The following CACNB2 variants were observed in gnomAD, a reference collection of about 807,000 sequenced individuals.
The protein encoded by CACNB2 is calcium voltage-gated channel auxiliary subunit beta 2.
Under a neutral mutation model 73.3 loss-of-function variants are expected in CACNB2, and 42 were observed. The observed-to-expected ratio is 0.57, with a 90% confidence interval of 0.45 to 0.74. The LOEUF is 0.74. Ranked by LOEUF, CACNB2 falls within the 30% of genes least tolerant of loss-of-function variation. The pLI is 0.00. For synonymous variants in CACNB2, 348 were observed against 310.3 expected (o/e 1.12, Z -1.28); for missense variants, 940 against 853.0 (o/e 1.10, Z -1.27).
chr10:18,469,841 T>C (rs1020538861), intron 3 of CACNB2, among the ~76,000 whole-genome samples: 3 of 152,202 alleles, frequency 2.0e-5, no homozygotes, highest in African/African-American at 7.2e-5. Context: ...CTCTAAATCC[T>C]CCCTACTCTT....
chr10:18,302,665 G>A lies in CACNB2; in HGVS notation c.214-99259G>A, dbSNP rs558986615. ...GCAGCTAAGCTATGAGGATGCAAAG[G>A]CATAAGAATGGCATAATGGACTTTG... On this transcript the variant is annotated intron_variant, in intron 2 of 13. Transcript: ENST00000324631. 2.0e-5 allele frequency among the ~76,000 whole-genome samples: 3 copies of A among 152,236 alleles called. No individual in the cohort carries two copies. In the East Asian group the frequency reaches 5.8e-4, roughly 29 times the overall value.
chr10:18,367,621 T>C (rs1170065244), intron 2 of CACNB2, among the ~76,000 whole-genome samples: 1 of 152,164 alleles, frequency 6.6e-6, no homozygotes, highest in Non-Finnish European at 1.5e-5. Context: ...TATAACTAAT[T>C]AGGATTCTGT....
intron 2 of CACNB2, among the ~76,000 whole-genome samples, chr10:18,217,235 G>T (rs1322104820): frequency 6.6e-6 from 1 of 152,134 alleles, no homozygotes; most frequent in Admixed American, 6.5e-5. Flanking sequence ...TGTAATCCCA[G>T]CACTTTGGGA....
chr10:18,477,110 T>A (rs891218420), intron 3 of CACNB2, among the ~76,000 whole-genome samples: 5 of 152,144 alleles, frequency 3.3e-5, no homozygotes, highest in African/African-American at 4.8e-5. Flanking sequence ...CTTTTGTTAT[T>A]TGAGCGTGGA....
intron 2 of CACNB2, among the ~76,000 whole-genome samples, chr10:18,235,733 G>A (rs2036416260): frequency 6.6e-6 from 1 of 152,126 alleles, no homozygotes. Context: ...AGCTTTGACT[G>A]TATGAGGAAG....
At chr10:18,255,244 C>G (rs2037235318) in intron 2 of CACNB2, among the ~76,000 whole-genome samples, 1 of 152,128 alleles carries the variant, frequency 6.6e-6, no homozygotes, top group Non-Finnish European at 1.5e-5. Context: ...CTTCTCCTCC[C>G]TCTCTTACTT....
intron 2 of CACNB2, among the ~76,000 whole-genome samples, chr10:18,376,053 T>A (rs1318949067): frequency 6.6e-6 from 1 of 152,192 alleles, no homozygotes; most frequent in African/African-American, 2.4e-5. Flanking sequence ...CCATGTTTAT[T>A]GCAGCACTAT....
chr10:18,325,737 C>G (rs1202406437), intron 2 of CACNB2, among the ~76,000 whole-genome samples: 1 of 121,772 alleles, frequency 8.2e-6, no homozygotes, highest in East Asian at 2.2e-4. Context: ...TCCCTTTCCC[C>G]TTCCCCTCCC....
At chr10:18,443,304 C>A (rs1479448549) in intron 3 of CACNB2, among the ~76,000 whole-genome samples, 1 of 151,846 alleles carries the variant, frequency 6.6e-6, no homozygotes, top group Non-Finnish European at 1.5e-5. Flanking sequence ...GAGGCCATTT[C>A]CAGTGACAGC....
chr10:18,299,476 T>C (rs2039418850), intron 2 of CACNB2, among the ~76,000 whole-genome samples: 1 of 152,090 alleles, frequency 6.6e-6, no homozygotes, highest in East Asian at 1.9e-4. Context: ...TTTTGTGACT[T>C]TGGATATACT....
chr10:18,300,534 C>T (rs554465365), intron 2 of CACNB2, among the ~76,000 whole-genome samples: 2 of 152,348 alleles, frequency 1.3e-5, no homozygotes, highest in African/African-American at 4.8e-5. Context: ...ACTAACAGAA[C>T]CTATTACAGC....
chr10:18,289,291 T>TTTC (rs2038952687), intron 2 of CACNB2, among the ~76,000 whole-genome samples: 1 of 60,578 alleles, frequency 1.7e-5, no homozygotes, highest in Non-Finnish European at 3.3e-5. Flanking sequence ...CTTGTTTTTT[T>TTTC]GTTTTGTTTT....
rs11335257 is a variant in CACNB2 at position 18,267,195 on chromosome 10, A to AT, written c.213+116230dup. ...TTGATAACTTCATATTTGGAACTGC[A>AT]TTTTTTTTTTATTAATAATAGCTTT... On this transcript the variant is annotated intron_variant, in intron 2 of 13. Coordinates refer to ENST00000324631, the MANE Select transcript of CACNB2 (RefSeq NM_201596.3). 7.3e-5 allele frequency among the ~76,000 whole-genome samples: 11 copies of AT among 151,430 alleles called. No homozygotes were observed. In the South Asian group the frequency reaches 1.2e-3, roughly 17 times the overall value.
At chr10:18,507,193 T>G (rs1190056532) in intron 6 of CACNB2, among the ~76,000 whole-genome samples, 1 of 152,144 alleles carries the variant, frequency 6.6e-6, no homozygotes, top group Non-Finnish European at 1.5e-5. Flanking sequence ...ATGTGAGATA[T>G]AACCTTAACA....
At chr10:18,344,736 T>C (rs2041376271) in intron 2 of CACNB2, among the ~76,000 whole-genome samples, 1 of 152,054 alleles carries the variant, frequency 6.6e-6, no homozygotes, top group Non-Finnish European at 1.5e-5. Flanking sequence ...GGCTCATGCC[T>C]GAACGACACC....
chr10:18,388,065 T>A (rs2132426672), intron 2 of CACNB2, among the ~76,000 whole-genome samples: 1 of 152,314 alleles, frequency 6.6e-6, no homozygotes, highest in African/African-American at 2.4e-5. Context: ...CCCAAGCCAT[T>A]TCTCATCCTT....
At chr10:18,512,497 A>G (rs1205205667) in intron 6 of CACNB2, among the ~76,000 whole-genome samples, 6 of 152,150 alleles carry the variant, frequency 3.9e-5, no homozygotes, top group South Asian at 4.1e-4. Flanking sequence ...TTTTAGGGAA[A>G]CTTTTCACAC....
chr10:18,196,173 G>C (rs2034612449), intron 2 of CACNB2, among the ~76,000 whole-genome samples: 1 of 151,922 alleles, frequency 6.6e-6, no homozygotes, highest in South Asian at 2.1e-4. Flanking sequence ...TAAGTAAATT[G>C]CTTATAATTA....
In CACNB2 at chr10:18,518,927, A is replaced by C; in HGVS notation, c.903A>C (p.Gln301His). The C allele has an allele frequency of 1.2e-6, 2 of 1,613,888 alleles. No homozygotes were observed. Among genetic ancestry groups the C allele is most frequent in the Non-Finnish European group, 1.7e-6 (2 of 1,179,840 alleles). Residue 301 changes from glutamine to histidine, a missense_variant, in exon 9 of 14, where the codon CAA becomes CAC. Gln to His is a conservative substitution (Grantham distance 24). Coordinates refer to ENST00000324631, the MANE Select transcript of CACNB2 (RefSeq NM_201596.3). The part of the protein sequence containing the change: ...LKGYEVTDMM[Q>H]KALFDFLKHR... ...AATTGCAGGTCACAGATATGATGCA[A>C]AAAGCGCTGTTTGATTTTTTAAAAC...
Sources: allele counts gnomAD v4.1 joint callset (sites outside exome capture counted in the v4.1 genomes callset), GRCh38; gene constraint gnomAD v4.1.1; transcripts MANE v1.5; gene names NCBI Gene and HGNC (gene_info 2026-07-23, HGNC 2026-07-21).